The following SDC2 variants were observed in gnomAD, a reference collection of about 807,000 sequenced individuals.
SDC2 encodes the protein syndecan-2.
Under a neutral mutation model 22.2 loss-of-function variants are expected in SDC2, and 13 were observed. The ratio of observed to expected loss-of-function variants is 0.59; its 90% CI spans 0.38 to 0.93. The LOEUF is 0.93. SDC2 is among the 40% of genes least tolerant of loss of function. The pLI, the probability that SDC2 is intolerant of heterozygous loss-of-function variation, is 0.00. For missense variants in SDC2, 235 were observed against 246.8 expected (o/e 0.95, Z 0.32); for synonymous variants, 94 against 92.8 (o/e 1.01, Z -0.07).
chr8:96,605,321 T>G (rs1323039722), intron 3 of SDC2, among the ~76,000 whole-genome samples: 1 of 152,254 alleles, frequency 6.6e-6, no homozygotes, highest in Non-Finnish European at 1.5e-5. Flanking sequence ...TTGAGATTTC[T>G]CTTCCCTTTT....
intron 1 of SDC2, among the ~76,000 whole-genome samples, chr8:96,525,330 C>G (rs945378722): frequency 6.6e-6 from 1 of 151,586 alleles, no homozygotes; most frequent in Non-Finnish European, 1.5e-5. Context: ...TTCTGCTCCT[C>G]TTTTAACAGC....
At chr8:96,606,550 G>T (rs192507450) in intron 3 of SDC2, among the ~76,000 whole-genome samples, 15 of 152,320 alleles carry the variant, frequency 9.8e-5, no homozygotes, top group South Asian at 6.2e-4. Flanking sequence ...GCCCTGTATA[G>T]CTCAGAAGTG....
At chr8:96,593,628 C>G in intron 2 of SDC2, 37 bp downstream of exon 2, 2 of 1,298,760 alleles carry the variant, frequency 1.5e-6, no homozygotes, top group Non-Finnish European at 1.1e-6. Context: ...ACCTCATTCT[C>G]CAGGCATGCA....
chr8:96,602,317 G>C, intron 2 of SDC2, 78 bp from the exon 3 acceptor site: 1 of 1,403,926 alleles, frequency 7.1e-7, no homozygotes, highest in Non-Finnish European at 9.9e-7. Context: ...CAGTGTCAAC[G>C]TCAGGCAATA....
intron 1 of SDC2, among the ~76,000 whole-genome samples, chr8:96,578,874 G>GAA (rs1814546058): frequency 2.0e-5 from 3 of 152,172 alleles, no homozygotes; most frequent in African/African-American, 4.8e-5. Context: ...TGTGGAAAGG[G>GAA]AATTAAACTT....
rs201986281 is a variant in SDC2 at position 96,494,363 on chromosome 8, G to A, written c.60+32G>A. On this transcript the variant is annotated intron_variant, in intron 1 of 4. Coordinates refer to ENST00000302190, the MANE Select transcript of SDC2 (RefSeq NM_002998.4). The stretch of plus-strand genomic sequence containing the variant: ...GGGCCAGGCGGAGGATGCGCGCGCC[G>A]TTTAGGGTGTTTGAAGCTACGAGAG... The A allele has an allele frequency of 4.5e-5, 69 of 1,533,716 alleles. No homozygotes were observed. In the African/African-American group the frequency reaches 7.8e-4, roughly 17 times the overall value.
At chr8:96,506,051 C>T (rs575842467) in intron 1 of SDC2, among the ~76,000 whole-genome samples, 44 of 152,314 alleles carry the variant, frequency 2.9e-4, no homozygotes, top group African/African-American at 1.0e-3. Context: ...AGAAGAACCC[C>T]TTGTAGAAGA....
chr8:96,543,274 A>G (rs1813881315), intron 1 of SDC2, among the ~76,000 whole-genome samples: 1 of 152,230 alleles, frequency 6.6e-6, no homozygotes, highest in African/African-American at 2.4e-5. Flanking sequence ...ATGTGTATAT[A>G]TCTCACATTT....
intron 1 of SDC2, among the ~76,000 whole-genome samples, chr8:96,569,813 C>T (rs1814360845): frequency 6.6e-6 from 1 of 152,134 alleles, no homozygotes. Flanking sequence ...CTGCTTCTGG[C>T]TCCTCCTGTA....
intron 1 of SDC2, among the ~76,000 whole-genome samples, chr8:96,525,888 C>T (rs538165328): frequency 3.0e-4 from 46 of 152,048 alleles, no homozygotes; most frequent in Non-Finnish European, 5.9e-4. Context: ...GGGTCTGGGA[C>T]GACATTATTT....
chr8:96,519,964 G>A (rs904982714), intron 1 of SDC2, among the ~76,000 whole-genome samples: 2 of 152,176 alleles, frequency 1.3e-5, no homozygotes, highest in African/African-American at 4.8e-5. Flanking sequence ...ATATCAACAA[G>A]TTGATAGCTT....
chr8:96,519,274 A>G (rs547934968), intron 1 of SDC2, among the ~76,000 whole-genome samples: 1 of 152,264 alleles, frequency 6.6e-6, no homozygotes, highest in South Asian at 2.1e-4. Flanking sequence ...ACAGTTATTT[A>G]TTCCCTGCCC....
intron 1 of SDC2, chr8:96,537,265 G>GGTTTTA (rs1317822007): frequency 6.6e-6 from 1 of 152,100 alleles, no homozygotes; most frequent in East Asian, 1.9e-4. Flanking sequence ...GATGGCTAGT[G>GGTTTTA]GTTTTAGCAG....
chr8:96,594,886 A>C (rs564831375), intron 2 of SDC2, among the ~76,000 whole-genome samples: 1 of 152,168 alleles, frequency 6.6e-6, no homozygotes, highest in Middle Eastern at 3.2e-3. Flanking sequence ...AAACCATCAG[A>C]TCTCATGAGA....
In SDC2 at chr8:96,568,295, G is replaced by A. The variant is rs1814333727; in HGVS notation, c.61-25185G>A. ...AATGTTATCTGTAATGAGTAAGATT[G>A]TTGGCCAACCCAAAGAGTTGGTTTA... On this transcript the variant is annotated intron_variant, in intron 1 of 4. Coordinates refer to ENST00000302190, the MANE Select transcript of SDC2 (RefSeq NM_002998.4). 2.0e-5 allele frequency among the ~76,000 whole-genome samples: 3 copies of A among 152,350 alleles called. No individual in the cohort carries two copies. In the South Asian group the frequency reaches 6.2e-4, roughly 32 times the overall value.
chr8:96,510,162 G>C (rs1181356388), intron 1 of SDC2, among the ~76,000 whole-genome samples: 1 of 152,188 alleles, frequency 6.6e-6, no homozygotes, highest in African/African-American at 2.4e-5. Context: ...ACTTTGAACA[G>C]AAAAATTGCA....
chr8:96,519,537 ATTAT>A (rs1179271515), intron 1 of SDC2, among the ~76,000 whole-genome samples: 2 of 152,206 alleles, frequency 1.3e-5, no homozygotes, highest in Non-Finnish European at 2.9e-5. Context: ...ATAATATCAC[ATTAT>A]TTAATGAAAC....
intron 1 of SDC2, among the ~76,000 whole-genome samples, chr8:96,510,096 T>C (rs16894657): frequency 0.014 from 2,150 of 152,338 alleles, 51 homozygotes; most frequent in African/African-American, 0.049. Context: ...CTCGTCCTCT[T>C]GGTCTGGTTA....
intron 4 of SDC2, 137 bp downstream of exon 4, chr8:96,608,607 G>C: frequency 1.4e-6 from 1 of 702,906 alleles, no homozygotes; most frequent in Non-Finnish European, 2.3e-6. Flanking sequence ...ATTCCAGAGC[G>C]AGAAGCAAGA....
Sources: allele counts gnomAD v4.1 joint callset (sites outside exome capture counted in the v4.1 genomes callset), GRCh38; gene constraint gnomAD v4.1.1; transcripts MANE v1.5; gene names NCBI Gene and HGNC (gene_info 2026-07-23, HGNC 2026-07-21).